CILP2: variants seen among roughly 807,000 people sequenced by gnomAD.
CILP2 encodes the protein cartilage intermediate layer protein 2.
A neutral mutation model predicts 45.6 loss-of-function variants in CILP2; 38 were observed. The ratio of observed to expected loss-of-function variants is 0.83; its 90% CI spans 0.64 to 1.09. The LOEUF is 1.09. Among genes scored for constraint, CILP2 ranks in the 50% least tolerant of loss-of-function variants. The probability of loss-of-function intolerance (pLI) is 0.00; values close to 1 mark genes in which losing one functional copy is unlikely to be tolerated. For missense variants in CILP2, 1,735 were observed against 1,662.2 expected (o/e 1.04, Z -0.76); for synonymous variants, 780 against 723.5 (o/e 1.08, Z -1.25).
In CILP2 at chr19:19,542,015, A is replaced by G. The variant is rs78184779; in HGVS notation, c.593-360A>G. Among the ~76,000 whole-genome samples the G allele has an allele frequency of 6.0e-3, 913 of 152,312 alleles. 8 individuals carry two copies. Among genetic ancestry groups the G allele is most frequent in the African/African-American group, 0.021 (874 of 41,562 alleles). On this transcript the variant is annotated intron_variant, in intron 4 of 7. Coordinates refer to ENST00000291495, the MANE Select transcript of CILP2 (RefSeq NM_153221.2). ...AAACCGCAGGATTGGGAAGGGGGGC[A>G]GTTGTTCTCAGCCCAAGATCCAGCC...
rs201714553 is a variant in CILP2, at chr19:19,540,306, T to A, written c.266T>A (p.Val89Glu). 2.5e-6 allele frequency: 4 copies of A among 1,587,196 alleles called. No homozygotes were observed. The highest frequency in any genetic ancestry group is 3.4e-6 in the Non-Finnish European group (4 of 1,171,186). The change falls in exon 3 of 8, where the codon GTG (valine) becomes GAG (glutamate). Residue 89 changes from valine (V) to glutamate (E), a missense_variant. Coordinates refer to ENST00000291495, the MANE Select transcript of CILP2 (RefSeq NM_153221.2). Reference sequence around the variant, plus strand: ...CGCTTCTACTACGGGCCAGCGCGCGTGTGCCCGCGACCGCTGGCGCTGGAA... The same window carrying A: ...CGCTTCTACTACGGGCCAGCGCGCGAGTGCCCGCGACCGCTGGCGCTGGAA... ...AIRFYYGPAR[V>E]CPRPLALEAR... is the part of the protein sequence containing the mutation.
At position 19,543,332 on chromosome 19, in the gene CILP2, T is replaced by A. The variant is rs1184597483; in HGVS notation, c.1062T>A (p.Ala354=). 1 of 1,613,674 alleles carries A rather than the reference T, an allele frequency of 6.2e-7. No homozygotes were observed. The highest frequency in any genetic ancestry group is 8.5e-7 in the Non-Finnish European group (1 of 1,179,970). The part of the protein sequence containing the change: ...LELRGLRPDQ[A]GIYHCKAWNE... Reference sequence around the variant, plus strand: ...TGCGGGGACTGCGCCCAGACCAGGCTGGCATCTACCACTGCAAGGCATGGA... The same window carrying A: ...TGCGGGGACTGCGCCCAGACCAGGCAGGCATCTACCACTGCAAGGCATGGA... Residue 354 remains alanine (A), a synonymous_variant, in exon 7 of 8, where the codon GCT becomes GCA. Transcript: ENST00000291495.
At chr19:19,538,510 AC>A in intron 1 of CILP2, 97 bp downstream of exon 1, 1 of 999,194 alleles carries the variant, frequency 1.0e-6, no homozygotes, top group Non-Finnish European at 1.4e-6. Flanking sequence ...GAACCCAGGG[AC>A]CCACGCGCTT....
Position 19,545,154 on chromosome 19 carries a change from A to AC in CILP2, c.2613dup (p.Ala872ArgfsTer195). The AC allele has an allele frequency of 1.2e-6, 2 of 1,609,112 alleles. No homozygotes were observed. The highest frequency in any genetic ancestry group is 1.7e-6 in the Non-Finnish European group (2 of 1,178,914). ...AACCTCGCCAAGCCCAGGCCAGGTG[A>AC]CCCCGCCGAGGCCAATGGGCCTGTG... On this transcript the variant is annotated frameshift_variant, in exon 8 of 8. Transcript: ENST00000291495. LOFTEE classifies it low-confidence loss of function (END_TRUNC).
Position 19,542,755 on chromosome 19 carries a change from C to T in CILP2, c.868+105C>T, listed in dbSNP as rs188385761. ...AAATGAGATGTGACACAGTCATTGG[C>T]GAAGGCACAGAGTGAGTCGGCATTT... On this transcript the variant is annotated intron_variant, in intron 5 of 7. Coordinates refer to ENST00000291495, the MANE Select transcript of CILP2 (RefSeq NM_153221.2). 5.4e-5 allele frequency: 85 copies of T among 1,580,208 alleles called. No homozygotes were observed. The Admixed American group carries it at 1.1e-3, about 21-fold the overall frequency.
Position 19,545,169 on chromosome 19 carries a change from A to G in CILP2, c.2624A>G (p.Asn875Ser), listed in dbSNP as rs1351815540. 1 of 1,612,782 alleles carries G rather than the reference A, an allele frequency of 6.2e-7. No homozygotes were observed. The highest frequency in any genetic ancestry group is 8.5e-7 in the Non-Finnish European group (1 of 1,179,868). Residue 875 changes from asparagine to serine, a missense_variant, in exon 8 of 8, where the codon AAT becomes AGT. Physicochemically the swap from Asn to Ser is conservative, Grantham distance 46 (BLOSUM62 1). Transcript: ENST00000291495. The part of the protein sequence containing the change: ...KPRPGDPAEA[N>S]GPVYPWRSLR... ...AGGCCAGGTGACCCCGCCGAGGCCA[A>G]TGGGCCTGTGTACCCGTGGCGCAGC...
intron 4 of CILP2, among the ~76,000 whole-genome samples, chr19:19,541,891 G>A (rs1042662479): frequency 6.6e-6 from 1 of 152,200 alleles, no homozygotes; most frequent in African/African-American, 2.4e-5. Flanking sequence ...GGCACATGGT[G>A]GCCAATGGGG....
rs2061241335 is a variant in CILP2, at chr19:19,540,960, C to G, written c.437-131C>G. 5 of 878,654 alleles carry G rather than the reference C, an allele frequency of 5.7e-6. No individual in the cohort carries two copies. The East Asian group carries it at 1.7e-4, about 29-fold the overall frequency. 54.4% of individuals were successfully genotyped at this position (878,654 alleles called of 1,614,324 possible). A position where few individuals can be genotyped will look rare whatever the true frequency, so the allele number is the denominator to read the frequency against. The stretch of plus-strand genomic sequence containing the variant: ...GGGTGGGGGCGATGGCAGATCTGCT[C>G]TCTGGAGTGTCCGCCCTTGGATGCA... On this transcript the variant is annotated intron_variant, in intron 3 of 7. Transcript: ENST00000291495.
Position 19,545,935 on chromosome 19 carries a change from C to A in CILP2, c.3390C>A (p.Arg1130=). The A allele has an allele frequency of 1.3e-6, 2 of 1,574,506 alleles. No individual in the cohort carries two copies. Among genetic ancestry groups the A allele is most frequent in the East Asian group, 2.3e-5 (1 of 44,006 alleles). Residue 1130 remains arginine (R), a synonymous_variant, in exon 8 of 8, where the codon CGC becomes CGA. Coordinates refer to ENST00000291495, the MANE Select transcript of CILP2 (RefSeq NM_153221.2). ...ESPATALGDI[R]REMSEAAQAQ... ...CGGCGACAGCACTTGGTGACATCCG[C>A]AGGGAGATGAGCGAGGCGGCGCAGG...
rs188113550 is a variant in CILP2, at chr19:19,541,406, G to A, written c.592+160G>A. Among the ~76,000 whole-genome samples the A allele has an allele frequency of 2.2e-3, 338 of 152,174 alleles. 2 individuals carry two copies. The highest frequency in any genetic ancestry group is 7.2e-3 in the African/African-American group (299 of 41,508). On this transcript the variant is annotated intron_variant, in intron 4 of 7. Coordinates refer to ENST00000291495, the MANE Select transcript of CILP2 (RefSeq NM_153221.2). ...GCCTAGAGGGGAGGAGCTAGTTGGG[G>A]GCGGGGCCTCGTGGACGGGGCTGTG...
chr19:19,539,639 A>G (rs757427258), intron 1 of CILP2, 40 bp from the exon 2 acceptor site: 3 of 1,433,012 alleles, frequency 2.1e-6, no homozygotes, highest in Admixed American at 4.3e-5. Flanking sequence ...GGTCCCCATC[A>G]GTAGCAGCGT....
In CILP2 at chr19:19,543,794, G is replaced by A. The variant is rs943825023; in HGVS notation, c.1249G>A (p.Asp417Asn). The A allele has an allele frequency of 7.4e-6, 12 of 1,613,764 alleles. No homozygotes were observed. Among genetic ancestry groups the A allele is most frequent in the South Asian group, 2.2e-5 (2 of 91,062 alleles). The change falls in exon 8 of 8, where the codon GAC (aspartate) becomes AAC (asparagine). Residue 417 changes from aspartate (D) to asparagine (N), a missense_variant. Coordinates refer to ENST00000291495, the MANE Select transcript of CILP2 (RefSeq NM_153221.2). ...CTACCTGGATGTGGGCCTCTGTCCCGACACCCGCTGCCCCAGCCTGGCAGG... is the reference window on the plus strand; with the variant it reads ...CTACCTGGATGTGGGCCTCTGTCCCAACACCCGCTGCCCCAGCCTGGCAGG... ...PAYLDVGLCP[D>N]TRCPSLAGSS...
At chr19:19,538,798 G>A (rs546406848) in intron 1 of CILP2, among the ~76,000 whole-genome samples, 2 of 152,340 alleles carry the variant, frequency 1.3e-5, no homozygotes, top group South Asian at 4.1e-4. Flanking sequence ...CGGGGGACGG[G>A]CCCACTTCTC....
intron 4 of CILP2, among the ~76,000 whole-genome samples, chr19:19,541,561 CA>C (rs1307811729): frequency 6.6e-6 from 1 of 152,180 alleles, no homozygotes; most frequent in Non-Finnish European, 1.5e-5. Context: ...AGGTGGATGC[CA>C]GGGGGCTCTT....
At position 19,541,094 on chromosome 19, in the gene CILP2, C is replaced by T. The variant is rs372270430; in HGVS notation, c.440C>T (p.Ala147Val). 4.8e-6 allele frequency: 6 copies of T among 1,262,956 alleles called. No individual in the cohort carries two copies. Among genetic ancestry groups the T allele is most frequent in the Admixed American group, 3.6e-5 (1 of 27,854 alleles). 78.2% of individuals were successfully genotyped at this position (1,262,956 alleles called of 1,614,324 possible). Residue 147 changes from alanine (A) to valine (V), a missense_variant, in exon 4 of 8, where the codon GCC (alanine) becomes GTC (valine). Transcript: ENST00000291495. ...YHVRFRCPLE[A>V]SWGAWGPWGP... is the part of the protein sequence containing the mutation. ...TCTCCGTCCCTGCCTTCCGCAGAAG[C>T]CTCGTGGGGCGCGTGGGGCCCGTGG...
In CILP2 at chr19:19,544,232, C is replaced by T. The variant is rs2061254789; in HGVS notation, c.1687C>T (p.His563Tyr). 20 of 1,613,834 alleles carry T rather than the reference C, an allele frequency of 1.2e-5. No homozygotes were observed. Among genetic ancestry groups the T allele is most frequent in the Non-Finnish European group, 1.4e-5 (17 of 1,180,026 alleles). ...AMRKKAPVIL[H>Y]TSQSNTIPLG... ...GCGGAAGAAAGCCCCGGTCATTTTA[C>T]ATACCAGCCAGAGCAACACGATCCC... The change falls in exon 8 of 8, where the codon CAT (histidine) becomes TAT (tyrosine). Residue 563 changes from histidine (H) to tyrosine (Y), a missense_variant. By Grantham distance (83) the His-to-Tyr change is moderately conservative. Transcript: ENST00000291495.
rs1047274326 is a variant in CILP2 at position 19,546,580 on chromosome 19, C to T, written c.*564C>T. On this transcript the variant is annotated 3_prime_UTR_variant, in exon 8 of 8. Transcript: ENST00000291495. ...CTCTGGGGCTGAGGGGAACAATTCT[C>T]ACGTGTTTGGTGCTTAGAGACCTGC... The T allele has an allele frequency of 6.6e-6, 1 of 152,558 alleles. No individual in the cohort carries two copies. Among genetic ancestry groups the T allele is most frequent in the African/African-American group, 2.4e-5 (1 of 41,400 alleles). 9.5% of individuals were successfully genotyped at this position (152,558 alleles called of 1,614,324 possible). A position where few individuals can be genotyped will look rare whatever the true frequency, so the allele number is the denominator to read the frequency against.
chr19:19,543,715 A>G lies in CILP2; in HGVS notation c.1170A>G (p.Arg390=). 1 of 1,604,296 alleles carries G rather than the reference A, an allele frequency of 6.2e-7. No individual in the cohort carries two copies. The highest frequency in any genetic ancestry group is 1.1e-5 in the South Asian group (1 of 90,506). The change falls in exon 8 of 8, where the codon CGA becomes CGG. Residue 390 remains arginine (R), a synonymous_variant. Transcript: ENST00000291495. The stretch of plus-strand genomic sequence containing the variant: ...AGCCAGCCTGCGACCCCCGGCCCCG[A>G]GAGTACCTGATCAAGCTCCCTGAGG... ...PGQPACDPRP[R]EYLIKLPEDC... is the part of the protein sequence containing the mutation.
chr19:19,544,532 G>T lies in CILP2; in HGVS notation c.1987G>T (p.Val663Leu), dbSNP rs779074968. 1 of 1,587,786 alleles carries T rather than the reference G, an allele frequency of 6.3e-7. No homozygotes were observed. The highest frequency in any genetic ancestry group is 2.2e-5 in the East Asian group (1 of 44,672). ...GCAGCTGCAGGTGGGGCCGGTGGCCGTGCGGGTGGCCGCCAGCCAGATCCA... is the reference window on the plus strand; with the variant it reads ...GCAGCTGCAGGTGGGGCCGGTGGCCTTGCGGGTGGCCGCCAGCCAGATCCA... ...AEQLQVGPVA[V>L]RVAASQIHMP... The change falls in exon 8 of 8, where the codon GTG (valine) becomes TTG (leucine). Residue 663 changes from valine to leucine, a missense_variant. Physicochemically the swap from Val to Leu is conservative, Grantham distance 32. Coordinates refer to ENST00000291495, the MANE Select transcript of CILP2 (RefSeq NM_153221.2).
Sources: allele counts gnomAD v4.1 joint callset (sites outside exome capture counted in the v4.1 genomes callset), GRCh38; gene constraint gnomAD v4.1.1; transcripts MANE v1.5; gene names NCBI Gene and HGNC (gene_info 2026-07-23, HGNC 2026-07-21).